Variants in C8orf89 observed in about 807,000 individuals in gnomAD.
C8orf89 encodes putative uncharacterized protein C8orf89.
C8orf89 carries 14 observed loss-of-function variants against 15.8 expected under a neutral mutation model. The ratio of observed to expected loss-of-function variants is 0.89; its 90% CI spans 0.59 to 1.39. C8orf89 has a LOEUF of 1.39. C8orf89 is among the 40% of genes most tolerant of loss of function. The pLI is 0.00. For missense variants in C8orf89, 181 were observed against 184.5 expected (o/e 0.98, Z 0.11); for synonymous variants, 55 against 62.2 (o/e 0.88, Z 0.54).
intron 3 of C8orf89, among the ~76,000 whole-genome samples, chr8:73,243,950 C>T (rs991589136): frequency 2.0e-4 from 31 of 151,782 alleles, no homozygotes; most frequent in Middle Eastern, 3.4e-3. Context: ...TTCTAAAAAC[C>T]GCAATTACTT....
chr8:73,250,236 G>A, intron 3 of C8orf89, 32 bp downstream of exon 3: 1 of 1,453,524 alleles, frequency 6.9e-7, no homozygotes, highest in South Asian at 1.2e-5. Flanking sequence ...ACACCCAAGA[G>A]AGGTAGTAGA....
Position 73,250,289 on chromosome 8 carries a change from G to C in C8orf89, c.316C>G (p.Pro106Ala). 2.0e-6 allele frequency: 3 copies of C among 1,533,420 alleles called. No homozygotes were observed. The highest frequency in any genetic ancestry group is 1.4e-5 in the African/African-American group (1 of 73,086). The allele number at this position is 1,533,420 out of a possible 1,614,324, so 95.0% of individuals were successfully genotyped here. ...TTACCTTTTGATTTCTCCCAAAGTG[G>C]TGCCACACTGCATGTCTCCTTAGTC... ...KKTKETCSVA[P>A]LWEKSKGSGF... The change falls in exon 3 of 4, where the codon CCA becomes GCA. Residue 106 changes from proline to alanine, a missense_variant. Transcript: ENST00000624510.
chr8:73,285,587 G>C, the C8orf89 span, among the ~76,000 whole-genome samples: 8 of 152,380 alleles, frequency 5.3e-5, no homozygotes, highest in East Asian at 1.5e-3. Context: ...GGCTCGTCCT[G>C]AGACGGGCCA....
intron 3 of C8orf89, among the ~76,000 whole-genome samples, chr8:73,245,591 A>C (rs984558346): frequency 7.2e-5 from 11 of 152,074 alleles, no homozygotes; most frequent in African/African-American, 2.7e-4. Context: ...CATTGAAAAA[A>C]CTAATAAAAA....
At chr8:73,241,712 A>T (rs1586159207) in intron 3 of C8orf89, 107 bp from the exon 4 acceptor site, 1 of 930,280 alleles carries the variant, frequency 1.1e-6, no homozygotes, top group East Asian at 2.7e-5. Context: ...AATGACTATT[A>T]CACACTACTA....
At chr8:73,271,107 A>G in the C8orf89 span, among the ~76,000 whole-genome samples, 1 of 152,060 alleles carries the variant, frequency 6.6e-6, no homozygotes, top group Non-Finnish European at 1.5e-5. Flanking sequence ...GCAGCCATTT[A>G]TTTTCATGTC....
intron 3 of C8orf89, among the ~76,000 whole-genome samples, chr8:73,248,353 C>T (rs150812614): frequency 1.2e-3 from 186 of 152,032 alleles, no homozygotes; most frequent in African/African-American, 4.0e-3. Context: ...CCCTGTACCA[C>T]GGTTTGAAGT....
At chr8:73,267,571 T>C in the C8orf89 span, among the ~76,000 whole-genome samples, 1 of 152,184 alleles carries the variant, frequency 6.6e-6, no homozygotes, top group African/African-American at 2.4e-5. Flanking sequence ...TCACAGTATC[T>C]CAACTAATAA....
intron 2 of C8orf89, among the ~76,000 whole-genome samples, chr8:73,251,273 G>A (rs1473151539): frequency 6.6e-6 from 1 of 152,056 alleles, no homozygotes; most frequent in African/African-American, 2.4e-5. Flanking sequence ...TTCACACAAG[G>A]AGGGAAAAAA....
chr8:73,245,964 C>G (rs977677722), intron 3 of C8orf89, among the ~76,000 whole-genome samples: 1 of 152,160 alleles, frequency 6.6e-6, no homozygotes, highest in Non-Finnish European at 1.5e-5. Flanking sequence ...GTCCCCAATT[C>G]ATTCCACAAG....
the C8orf89 span, among the ~76,000 whole-genome samples, chr8:73,279,711 A>G: frequency 4.6e-5 from 7 of 152,228 alleles, no homozygotes; most frequent in Admixed American, 1.3e-4. Flanking sequence ...AAACAAAAAA[A>G]CAGTAGAAAC....
At position 73,257,084 on chromosome 8, in the gene C8orf89, A is replaced by C. The variant is rs987876089; in HGVS notation, c.170T>G (p.Ile57Ser). 2.6e-5 allele frequency: 40 copies of C among 1,535,410 alleles called. No individual in the cohort carries two copies. In the East Asian group the frequency reaches 8.8e-4, roughly 34 times the overall value. ...CAGTCCTGGTAAATATGGCATTTTG[A>C]TACATTCCTTGAGCTCTTCTAGACC... Reference protein sequence around the residue: ...AFGLEELKECIKMPYLPGLQS... With the variant: ...AFGLEELKECSKMPYLPGLQS... The change falls in exon 2 of 4, where the codon ATC becomes AGC. Residue 57 changes from isoleucine (I) to serine (S), a missense_variant. Transcript: ENST00000624510.
chr8:73,253,105 T>A (rs1813284886), intron 2 of C8orf89, among the ~76,000 whole-genome samples: 1 of 152,142 alleles, frequency 6.6e-6, no homozygotes, highest in Non-Finnish European at 1.5e-5. Flanking sequence ...ATCGCGCCAC[T>A]GCACTCCAGC....
chr8:73,255,125 A>G (rs1193101668), intron 2 of C8orf89, among the ~76,000 whole-genome samples: 2 of 151,714 alleles, frequency 1.3e-5, no homozygotes, highest in Non-Finnish European at 3.0e-5. Context: ...AATGGGATCT[A>G]ATTAAACTAA....
chr8:73,273,152 C>T, the C8orf89 span, among the ~76,000 whole-genome samples: 1,986 of 152,292 alleles, frequency 0.013, 27 homozygotes, highest in Middle Eastern at 0.061. Context: ...GGGCTGCATG[C>T]TCCATGGAGC....
At chr8:73,270,290 G>C in the C8orf89 span, among the ~76,000 whole-genome samples, 1 of 152,092 alleles carries the variant, frequency 6.6e-6, no homozygotes, top group Non-Finnish European at 1.5e-5. Context: ...AAATTTAATA[G>C]CGTAATAACC....
intron 3 of C8orf89, among the ~76,000 whole-genome samples, chr8:73,246,356 T>C (rs1374213463): frequency 1.3e-5 from 2 of 152,150 alleles, no homozygotes; most frequent in African/African-American, 4.8e-5. Flanking sequence ...TTCAAAGCAA[T>C]GTCTTTTGGG....
At chr8:73,275,005 T>C in the C8orf89 span, among the ~76,000 whole-genome samples, 1 of 152,210 alleles carries the variant, frequency 6.6e-6, no homozygotes, top group Non-Finnish European at 1.5e-5. Context: ...AATATGACAG[T>C]TAATATCTTT....
At chr8:73,258,777 C>T (rs898748524) in intron 1 of C8orf89, among the ~76,000 whole-genome samples, 1 of 151,904 alleles carries the variant, frequency 6.6e-6, no homozygotes, top group Non-Finnish European at 1.5e-5. Flanking sequence ...ACCACAGGCG[C>T]ACACCAACAC....
Sources: allele counts gnomAD v4.1 joint callset (sites outside exome capture counted in the v4.1 genomes callset), GRCh38; gene constraint gnomAD v4.1.1; transcripts MANE v1.5; gene names NCBI Gene and HGNC (gene_info 2026-07-23, HGNC 2026-07-21).